Variants in PTPRD observed in about 807,000 individuals in gnomAD.
PTPRD encodes the protein receptor-type tyrosine-protein phosphatase delta.
A neutral mutation model predicts 214.5 loss-of-function variants in PTPRD; 34 were observed. That is an observed-to-expected ratio of 0.16 (90% CI 0.12 to 0.21). PTPRD has a LOEUF of 0.21. PTPRD is among the 10% of genes least tolerant of loss of function. The pLI is 1.00. For missense variants in PTPRD, 2,545 were observed against 2,398.7 expected (o/e 1.06, Z -1.27); for synonymous variants, 1,128 against 845.7 (o/e 1.33, Z -5.79).
rs187168954 is a variant in PTPRD, at chr9:8,805,191, A to C, written c.-103-71245T>G. Among the ~76,000 whole-genome samples the C allele has an allele frequency of 2.6e-5, 4 of 152,330 alleles. No homozygotes were observed. The East Asian group carries it at 7.7e-4, about 29-fold the overall frequency. On this transcript the variant is annotated intron_variant, in intron 11 of 45. Transcript: ENST00000381196. ...TCCTTTTGTGGGCCTAGCCCCACTTAATTTCATAACAATTCTATGAGGTTG... is the reference window on the plus strand; with the variant it reads ...TCCTTTTGTGGGCCTAGCCCCACTTCATTTCATAACAATTCTATGAGGTTG...
chr9:8,902,629 G>A (rs2098679399), intron 11 of PTPRD, among the ~76,000 whole-genome samples: 1 of 152,086 alleles, frequency 6.6e-6, no homozygotes, highest in African/African-American at 2.4e-5. Context: ...ACAGGCATGA[G>A]CCACCACGCC....
chr9:10,540,005 T>C (rs954019945), intron 2 of PTPRD, among the ~76,000 whole-genome samples: 1 of 152,110 alleles, frequency 6.6e-6, no homozygotes, highest in Non-Finnish European at 1.5e-5. Context: ...ATCAACATAG[T>C]GGGGCAAACT....
intron 39 of PTPRD, among the ~76,000 whole-genome samples, chr9:8,353,436 G>T (rs1027665738): frequency 6.6e-6 from 1 of 151,974 alleles, no homozygotes; most frequent in African/African-American, 2.4e-5. Flanking sequence ...ATGAATGAAT[G>T]AATGAATGAA....
chr9:9,016,154 A>C (rs749161853), intron 11 of PTPRD, among the ~76,000 whole-genome samples: 23 of 152,180 alleles, frequency 1.5e-4, no homozygotes, highest in Non-Finnish European at 1.9e-4. Flanking sequence ...AGCAGGTGTC[A>C]CCCTCCTTGG....
chr9:9,758,639 C>T (rs1396070944), intron 6 of PTPRD, among the ~76,000 whole-genome samples: 4 of 151,940 alleles, frequency 2.6e-5, no homozygotes, highest in Non-Finnish European at 4.4e-5. Context: ...TGTGTCCCTC[C>T]TTCCTCCCTT....
intron 4 of PTPRD, among the ~76,000 whole-genome samples, chr9:9,965,300 G>A (rs2094607387): frequency 6.6e-6 from 1 of 152,142 alleles, no homozygotes; most frequent in Non-Finnish European, 1.5e-5. Flanking sequence ...GGAGCAACAG[G>A]CAAGGCTTCT....
intron 7 of PTPRD, among the ~76,000 whole-genome samples, chr9:9,586,227 C>A (rs2154319904): frequency 6.6e-6 from 1 of 152,156 alleles, no homozygotes; most frequent in Admixed American, 6.6e-5. Context: ...CATCCCTCAA[C>A]ACAGCCAGTA....
At chr9:9,774,301 G>T (rs2098778630) in intron 5 of PTPRD, among the ~76,000 whole-genome samples, 1 of 152,106 alleles carries the variant, frequency 6.6e-6, no homozygotes, top group South Asian at 2.1e-4. Flanking sequence ...AATTTTGGGG[G>T]CTAAGAGAAT....
intron 7 of PTPRD, among the ~76,000 whole-genome samples, chr9:9,668,722 A>G (rs2096770684): frequency 6.6e-6 from 1 of 152,156 alleles, no homozygotes; most frequent in East Asian, 1.9e-4. Flanking sequence ...CGTACTCTTA[A>G]TTAGTTCAGC....
At chr9:8,704,290 C>T (rs574980559) in intron 12 of PTPRD, among the ~76,000 whole-genome samples, 1 of 152,060 alleles carries the variant, frequency 6.6e-6, no homozygotes. Context: ...TAAACTCCAG[C>T]CGAATTGGTT....
intron 11 of PTPRD, among the ~76,000 whole-genome samples, chr9:8,767,309 G>T (rs1295139216): frequency 6.6e-6 from 1 of 151,856 alleles, no homozygotes; most frequent in Non-Finnish European, 1.5e-5. Flanking sequence ...GTAGAGATGG[G>T]GTTCACCATG....
At position 8,484,348 on chromosome 9, in the gene PTPRD, C is replaced by T. The variant is rs1040513040; in HGVS notation, c.3184G>A (p.Glu1062Lys). 2.5e-6 allele frequency: 4 copies of T among 1,613,946 alleles called. No individual in the cohort carries two copies. Among genetic ancestry groups the T allele is most frequent in the Non-Finnish European group, 3.4e-6 (4 of 1,179,954 alleles). ...TTCTGTGTGGCTCGGCCATCCACTT[C>T]TTCTACCATTTTCCCATCATCATAA... ...ILYDDGKMVE[E>K]VDGRATQKLI... is the part of the protein sequence containing the mutation. The change falls in exon 30 of 46, where the codon GAA becomes AAA. Residue 1062 changes from glutamate to lysine, a missense_variant. Coordinates refer to ENST00000381196, the MANE Select transcript of PTPRD (RefSeq NM_002839.4).
chr9:8,358,682 T>A (rs963508210), intron 39 of PTPRD, among the ~76,000 whole-genome samples: 1 of 152,214 alleles, frequency 6.6e-6, no homozygotes, highest in Non-Finnish European at 1.5e-5. Context: ...GAATTGAATA[T>A]TTTAATTCAG....
In PTPRD at chr9:9,018,736, C is replaced by T. The variant is rs1439513297; in HGVS notation, c.-142-1G>A. The stretch of plus-strand genomic sequence containing the variant: ...CCACGGGTGTTCACCAGACGTCTCC[C>T]TAAACAAAGAAGAAATGTGACAACA... On this transcript the variant is annotated splice_acceptor_variant, in intron 10 of 45. Coordinates refer to ENST00000381196, the MANE Select transcript of PTPRD (RefSeq NM_002839.4). LOFTEE classifies it low-confidence loss of function (5UTR_SPLICE). 6.6e-6 allele frequency: 1 copy of T among 152,060 alleles called. No homozygotes were observed. The highest frequency in any genetic ancestry group is 1.5e-5 in the Non-Finnish European group (1 of 68,032). 9.4% of individuals were successfully genotyped at this position (152,060 alleles called of 1,614,324 possible).
At chr9:8,988,495 A>G (rs530391004) in intron 11 of PTPRD, among the ~76,000 whole-genome samples, 3 of 152,102 alleles carry the variant, frequency 2.0e-5, no homozygotes, top group Admixed American at 6.6e-5. Context: ...GTCAGATAAT[A>G]AAATGCTTGA....
intron 4 of PTPRD, among the ~76,000 whole-genome samples, chr9:10,008,563 T>G (rs1443450406): frequency 6.8e-6 from 1 of 146,128 alleles, no homozygotes; most frequent in Non-Finnish European, 1.5e-5. Context: ...TCATGCATAT[T>G]CACAGCTCCT....
In PTPRD at chr9:10,605,514, G is replaced by C. The variant is rs374512761; in HGVS notation, c.-600+6884C>G. ...CACTGGAGTGAGAAGATGATGAAGG[G>C]TGCCAAGAAATTCCAGTGGAAAACA... On this transcript the variant is annotated intron_variant, in intron 2 of 45. Transcript: ENST00000381196. 2.6e-5 allele frequency among the ~76,000 whole-genome samples: 4 copies of C among 151,760 alleles called. No homozygotes were observed. In the South Asian group the frequency reaches 8.3e-4, roughly 31 times the overall value.
intron 10 of PTPRD, among the ~76,000 whole-genome samples, chr9:9,167,870 T>A (rs1252272304): frequency 6.6e-6 from 1 of 152,176 alleles, no homozygotes; most frequent in Admixed American, 6.5e-5. Flanking sequence ...AACATGCTAT[T>A]TTATTTACTG....
chr9:9,725,796 T>C (rs2098078821), intron 7 of PTPRD, among the ~76,000 whole-genome samples: 1 of 152,214 alleles, frequency 6.6e-6, no homozygotes, highest in African/African-American at 2.4e-5. Flanking sequence ...TTTGGGGAAC[T>C]GTAGGACATT....
Sources: allele counts gnomAD v4.1 joint callset (sites outside exome capture counted in the v4.1 genomes callset), GRCh38; gene constraint gnomAD v4.1.1; transcripts MANE v1.5; gene names NCBI Gene and HGNC (gene_info 2026-07-23, HGNC 2026-07-21).